The following MDGA2 variants were observed in gnomAD, a reference collection of about 807,000 sequenced individuals.
MDGA2 encodes MAM domain containing glycosylphosphatidylinositol anchor 2, also known as MAM domain-containing glycosylphosphatidylinositol anchor protein 2.
MDGA2 carries 40 observed loss-of-function variants against 117.8 expected under a neutral mutation model. That is an observed-to-expected ratio of 0.34 (90% confidence interval 0.26 to 0.44). The LOEUF (loss-of-function observed/expected upper bound fraction) is 0.44. Ranked by LOEUF, MDGA2 falls within the 20% of genes least tolerant of loss-of-function variation. The probability of loss-of-function intolerance (pLI) is 1.00; values close to 1 mark genes in which losing one functional copy is unlikely to be tolerated. For synonymous variants in MDGA2, 452 were observed against 439.0 expected (o/e 1.03, Z -0.37); for missense variants, 1,123 against 1,250.6 (o/e 0.90, Z 1.54).
chr14:47,550,363 G>C (rs1287100280), intron 1 of MDGA2, among the ~76,000 whole-genome samples: 1 of 152,162 alleles, frequency 6.6e-6, no homozygotes, highest in Non-Finnish European at 1.5e-5. Context: ...TGTGGCTATA[G>C]GATACAGTAC....
chr14:47,018,689 A>T (rs775315233), intron 8 of MDGA2, among the ~76,000 whole-genome samples: 7 of 145,436 alleles, frequency 4.8e-5, no homozygotes, highest in Middle Eastern at 7.1e-3. Flanking sequence ...TTAGGAAGGC[A>T]GGCCAAGCAA....
At chr14:47,374,579 G>A (rs900024530) in intron 1 of MDGA2, among the ~76,000 whole-genome samples, 8 of 151,922 alleles carry the variant, frequency 5.3e-5, no homozygotes, top group East Asian at 3.9e-4. Flanking sequence ...TTTGCCAAAC[G>A]CTGTTGTCAT....
chr14:47,620,858 C>T (rs1897037490), intron 1 of MDGA2, among the ~76,000 whole-genome samples: 1 of 152,136 alleles, frequency 6.6e-6, no homozygotes, highest in Non-Finnish European at 1.5e-5. Context: ...CACAACGGCA[C>T]AACATCACTT....
intron 1 of MDGA2, among the ~76,000 whole-genome samples, chr14:47,636,912 C>G (rs1175288897): frequency 4.7e-5 from 7 of 148,924 alleles, no homozygotes. Context: ...ATGAACGTTA[C>G]AGTGAGCTGA....
intron 11 of MDGA2, among the ~76,000 whole-genome samples, chr14:46,881,119 A>C (rs1215282129): frequency 6.6e-6 from 1 of 152,002 alleles, no homozygotes; most frequent in Non-Finnish European, 1.5e-5. Flanking sequence ...TCCGGCAACT[A>C]AGATGTCTTT....
chr14:47,335,881 T>G (rs1313007155), intron 1 of MDGA2, among the ~76,000 whole-genome samples: 1 of 150,998 alleles, frequency 6.6e-6, no homozygotes, highest in Admixed American at 6.6e-5. Context: ...GACTCAAATG[T>G]AGGGTATAGG....
At chr14:47,180,863 G>A (rs902877002) in intron 3 of MDGA2, among the ~76,000 whole-genome samples, 1 of 152,162 alleles carries the variant, frequency 6.6e-6, no homozygotes, top group Non-Finnish European at 1.5e-5. Flanking sequence ...AAAGGTTGCA[G>A]TGAGCTGAGA....
At chr14:47,564,847 G>A (rs778314564) in intron 1 of MDGA2, among the ~76,000 whole-genome samples, 1 of 152,258 alleles carries the variant, frequency 6.6e-6, no homozygotes, top group East Asian at 1.9e-4. Flanking sequence ...CTGAGTTATT[G>A]AGGAGAGCTG....
intron 9 of MDGA2, among the ~76,000 whole-genome samples, chr14:46,925,631 CAAAAAAAAAAAAA>C (rs34889177): frequency 1.5e-5 from 1 of 64,602 alleles, no homozygotes; most frequent in Non-Finnish European, 2.9e-5. Context: ...GACTCTACCT[CAAAAAAAAAAAAA>C]AAAAAAAAGG....
chr14:46,865,752 T>C (rs1320087620), intron 14 of MDGA2, among the ~76,000 whole-genome samples: 3 of 151,950 alleles, frequency 2.0e-5, no homozygotes, highest in East Asian at 1.9e-4. Flanking sequence ...CAATAACAGA[T>C]GAACAGAGAG....
At chr14:47,644,388 A>G (rs560820410) in intron 1 of MDGA2, among the ~76,000 whole-genome samples, 3 of 152,204 alleles carry the variant, frequency 2.0e-5, no homozygotes, top group Non-Finnish European at 4.4e-5. Context: ...TAATCATAAG[A>G]AAAGATTACA....
chr14:47,625,081 A>T (rs1354441118), intron 1 of MDGA2, among the ~76,000 whole-genome samples: 8 of 152,180 alleles, frequency 5.3e-5, no homozygotes, highest in Non-Finnish European at 1.2e-4. Context: ...GGCCCTAAAA[A>T]TTAAACAGTT....
intron 5 of MDGA2, among the ~76,000 whole-genome samples, chr14:47,112,954 A>G (rs1463739290): frequency 6.6e-6 from 1 of 152,138 alleles, no homozygotes; most frequent in African/African-American, 2.4e-5. Flanking sequence ...ATGAGGTGGT[A>G]TCTCATTGTG....
chr14:47,210,947 C>T (rs759133905), intron 3 of MDGA2, among the ~76,000 whole-genome samples: 1 of 152,078 alleles, frequency 6.6e-6, no homozygotes, highest in Non-Finnish European at 1.5e-5. Flanking sequence ...TGTACTGCTG[C>T]ACTGGAGCCT....
At chr14:47,444,784 G>A (rs1005905249) in intron 1 of MDGA2, among the ~76,000 whole-genome samples, 2 of 152,076 alleles carry the variant, frequency 1.3e-5, no homozygotes, top group African/African-American at 4.8e-5. Flanking sequence ...GTCTTAGCTT[G>A]TAATAGTAGT....
intron 3 of MDGA2, among the ~76,000 whole-genome samples, chr14:47,165,642 G>A (rs970360799): frequency 2.0e-5 from 3 of 152,184 alleles, no homozygotes; most frequent in African/African-American, 7.2e-5. Context: ...TCCACTCTGA[G>A]CTGCTTATAT....
intron 8 of MDGA2, among the ~76,000 whole-genome samples, chr14:47,010,507 G>T (rs957079768): frequency 2.0e-5 from 3 of 151,594 alleles, no homozygotes; most frequent in Non-Finnish European, 4.4e-5. Flanking sequence ...CTTTAATTAT[G>T]CCTATTATAA....
chr14:47,243,785 A>G (rs1324059997), intron 2 of MDGA2, among the ~76,000 whole-genome samples: 1 of 151,924 alleles, frequency 6.6e-6, no homozygotes, highest in East Asian at 1.9e-4. Context: ...AGTGAGACCA[A>G]GAACCCACCA....
At chr14:46,866,377 A>C (rs1278329622) in intron 14 of MDGA2, among the ~76,000 whole-genome samples, 9 of 152,202 alleles carry the variant, frequency 5.9e-5, no homozygotes, top group Non-Finnish European at 1.2e-4. Flanking sequence ...CTTACACCTT[A>C]TACAAAAATC....
Sources: gnomAD v4.1 joint callset for allele counts (sites outside exome capture counted in the v4.1 genomes callset) on GRCh38, gnomAD v4.1.1 for gene constraint, MANE v1.5 for transcripts, NCBI Gene and HGNC (gene_info 2026-07-23, HGNC 2026-07-21) for gene names.